ITGA4: variants seen among roughly 807,000 people sequenced by gnomAD.
ITGA4 encodes integrin subunit alpha 4, also known as integrin alpha-4.
Under a neutral mutation model 133.6 loss-of-function variants are expected in ITGA4, and 63 were observed. That is an observed-to-expected ratio of 0.47 (90% CI 0.38 to 0.58). The LOEUF is 0.58. Among genes scored for constraint, ITGA4 ranks in the 20% least tolerant of loss-of-function variants. The pLI, the probability that ITGA4 is intolerant of heterozygous loss-of-function variation, is 0.00. For synonymous variants in ITGA4, 483 were observed against 438.0 expected, an observed-to-expected ratio of 1.10 and a Z score of -1.28; for missense variants, 1,076 against 1,252.7, an observed-to-expected ratio of 0.86 and a Z score of 2.13.
intron 14 of ITGA4, among the ~76,000 whole-genome samples, chr2:181,496,615 T>C (rs1686163891): frequency 1.3e-5 from 2 of 152,302 alleles, no homozygotes; most frequent in African/African-American, 4.8e-5. Context: ...ATATAGCTCA[T>C]CCAAAATATT....
chr2:181,457,345 C>G (rs998100218), upstream of ITGA4: 3 of 323,602 alleles, frequency 9.3e-6, no homozygotes, highest in Admixed American at 1.1e-4. Flanking sequence ...CCTGCGCCTC[C>G]GCACCACGCC....
intron 2 of ITGA4, among the ~76,000 whole-genome samples, chr2:181,465,864 T>G (rs925824016): frequency 6.6e-6 from 1 of 152,094 alleles, no homozygotes; most frequent in Non-Finnish European, 1.5e-5. Flanking sequence ...CATCCCTTGT[T>G]TCAGATTCTG....
chr2:181,488,529 T>C (rs1685969976), intron 10 of ITGA4, among the ~76,000 whole-genome samples: 2 of 152,138 alleles, frequency 1.3e-5, no homozygotes, highest in Admixed American at 1.3e-4. Context: ...TAATGCCATA[T>C]ATCTTTTTCT....
chr2:181,482,732 A>G, intron 9 of ITGA4, 81 bp downstream of exon 9: 1 of 1,350,472 alleles, frequency 7.4e-7, no homozygotes, highest in South Asian at 1.2e-5. Flanking sequence ...GAGATCTGAG[A>G]TTGTTTTCAG....
intron 17 of ITGA4, among the ~76,000 whole-genome samples, chr2:181,519,120 T>A (rs1490743251): frequency 6.6e-6 from 1 of 152,116 alleles, no homozygotes; most frequent in African/African-American, 2.4e-5. Context: ...TAAAATGGAC[T>A]ATATACACCA....
At chr2:181,489,760 A>G (rs1032528717) in intron 10 of ITGA4, among the ~76,000 whole-genome samples, 1 of 152,122 alleles carries the variant, frequency 6.6e-6, no homozygotes, top group African/African-American at 2.4e-5. Context: ...CAAATAACAT[A>G]CATTTTTACC....
chr2:181,494,991 C>T (rs1228262805), intron 12 of ITGA4, among the ~76,000 whole-genome samples, 179 bp downstream of exon 12: 1 of 152,142 alleles, frequency 6.6e-6, no homozygotes, highest in Non-Finnish European at 1.5e-5. Context: ...CTCAGCTTAA[C>T]AGTGCTAGTT....
At chr2:181,503,048 G>A (rs1479043515) in intron 15 of ITGA4, among the ~76,000 whole-genome samples, 1 of 152,052 alleles carries the variant, frequency 6.6e-6, no homozygotes, top group African/African-American at 2.4e-5. Flanking sequence ...AGGACAATCA[G>A]CAAATTGTTG....
intron 23 of ITGA4, among the ~76,000 whole-genome samples, chr2:181,530,100 T>C (rs937135037): frequency 1.3e-5 from 2 of 152,238 alleles, no homozygotes; most frequent in African/African-American, 4.8e-5. Flanking sequence ...TGTTTTGAGC[T>C]TAACAGGTTG....
At chr2:181,480,594 G>A (rs1332154403) in intron 6 of ITGA4, among the ~76,000 whole-genome samples, 1 of 152,066 alleles carries the variant, frequency 6.6e-6, no homozygotes, top group Non-Finnish European at 1.5e-5. Flanking sequence ...TGTTTCTGTT[G>A]AGTGCCTCCC....
chr2:181,502,235 A>G (rs1304297005), intron 15 of ITGA4, among the ~76,000 whole-genome samples: 1 of 151,960 alleles, frequency 6.6e-6, no homozygotes, highest in Admixed American at 6.6e-5. Context: ...TTAGTGGGGG[A>G]ACGGGGGGAA....
chr2:181,536,576 C>T lies in ITGA4; in HGVS notation c.*1049C>T, dbSNP rs200116666. ...GTATAAGTGTTACCTTACATGGAAA[C>T]GAAGAAACAAAATTCATAAATTTAA... is the stretch of plus-strand genomic sequence containing the variant. On this transcript the variant is annotated 3_prime_UTR_variant, in exon 28 of 28. Coordinates refer to ENST00000397033, the MANE Select transcript of ITGA4 (RefSeq NM_000885.6). 46 of 94,356 alleles carry T rather than the reference C, an allele frequency of 4.9e-4. No individual in the cohort carries two copies. Among genetic ancestry groups the T allele is most frequent in the Middle Eastern group, 6.9e-3 (1 of 144 alleles). The allele number at this position is 94,356 out of a possible 1,614,324, so 5.8% of individuals were successfully genotyped here.
At chr2:181,532,836 G>C (rs1686972874) in intron 25 of ITGA4, among the ~76,000 whole-genome samples, 1 of 152,132 alleles carries the variant, frequency 6.6e-6, no homozygotes, top group Non-Finnish European at 1.5e-5. Context: ...CAAAGGGAAT[G>C]CTTCCAGTTT....
chr2:181,519,652 C>T (rs1490002302), intron 17 of ITGA4, among the ~76,000 whole-genome samples: 2 of 152,030 alleles, frequency 1.3e-5, no homozygotes, highest in Non-Finnish European at 2.9e-5. Flanking sequence ...CATATGATGC[C>T]ATTAATTCAT....
chr2:181,511,209 A>T (rs974441344), intron 16 of ITGA4, among the ~76,000 whole-genome samples: 1 of 24,818 alleles, frequency 4.0e-5, no homozygotes, highest in Non-Finnish European at 8.0e-5. Context: ...TGAAACCCTT[A>T]CTTATTTAAT....
rs770509380 is a variant in ITGA4 at position 181,535,515 on chromosome 2, C to G, written c.3087C>G (p.Ser1029Arg). 1 of 1,607,164 alleles carries G rather than the reference C, an allele frequency of 6.2e-7. No homozygotes were observed. Among genetic ancestry groups the G allele is most frequent in the Non-Finnish European group, 8.5e-7 (1 of 1,176,482 alleles). The change falls in exon 28 of 28, where the codon AGC becomes AGG. Residue 1029 changes from serine to arginine, a missense_variant. Physicochemically the swap from Ser to Arg is moderately radical, Grantham distance 110 (BLOSUM62 -1). This residue lies in a region of ITGA4 where 193 missense variants were observed against 172.3 expected (regional missense o/e 1.12). Coordinates refer to ENST00000397033, the MANE Select transcript of ITGA4 (RefSeq NM_000885.6). ...GTTGGAGTTATATCAACAGTAAAAG[C>G]AATGATGATTAAGGACTTCTTTCAA... ...RDSWSYINSK[S>R]NDD
chr2:181,532,866 T>G (rs968302669), intron 25 of ITGA4, among the ~76,000 whole-genome samples: 2 of 152,174 alleles, frequency 1.3e-5, no homozygotes, highest in Non-Finnish European at 2.9e-5. Flanking sequence ...CAGTATGATA[T>G]TGGCTATGGG....
intron 2 of ITGA4, among the ~76,000 whole-genome samples, chr2:181,466,863 G>A (rs188915542): frequency 4.6e-5 from 7 of 152,216 alleles, no homozygotes; most frequent in East Asian, 1.9e-4. Context: ...CATAATGCAC[G>A]TACCCTGAGG....
intron 22 of ITGA4, among the ~76,000 whole-genome samples, 173 bp from the exon 23 acceptor site, chr2:181,529,368 A>T (rs1156592647): frequency 6.6e-6 from 1 of 152,222 alleles, no homozygotes; most frequent in Non-Finnish European, 1.5e-5. Flanking sequence ...GCAAACTTTA[A>T]AAATTCTGAC....
Sources: gnomAD v4.1 joint callset for allele counts (sites outside exome capture counted in the v4.1 genomes callset) on GRCh38, gnomAD v4.1.1 for gene constraint, gnomAD v4.1.1 regional missense constraint, MANE v1.5 for transcripts, NCBI Gene and HGNC (gene_info 2026-07-23, HGNC 2026-07-21) for gene names.